RUNX2: variants seen among roughly 807,000 people sequenced by gnomAD.
RUNX2 encodes runt-related transcription factor 2.
Under a neutral mutation model 51.7 loss-of-function variants are expected in RUNX2, and 10 were observed. The observed-to-expected ratio is 0.19, with a 90% CI of 0.12 to 0.33. RUNX2 has a LOEUF of 0.33. Ranked by LOEUF, RUNX2 falls within the 10% of genes least tolerant of loss-of-function variation. The pLI is 1.00. For synonymous variants in RUNX2, 276 were observed against 273.6 expected (o/e 1.01, Z -0.09); for missense variants, 562 against 691.3 (o/e 0.81, Z 2.10).
intron 7 of RUNX2, among the ~76,000 whole-genome samples, chr6:45,539,906 G>C (rs1415959037): frequency 6.6e-6 from 1 of 152,232 alleles, no homozygotes; most frequent in Non-Finnish European, 1.5e-5. Flanking sequence ...GTGTGCAGCA[G>C]TAAGATTTAT....
intron 5 of RUNX2, among the ~76,000 whole-genome samples, chr6:45,472,458 G>A (rs1250826498): frequency 2.0e-5 from 3 of 152,128 alleles, no homozygotes; most frequent in Admixed American, 1.3e-4. Context: ...CTAGGCTTTC[G>A]ATATGTTCTG....
chr6:45,328,466 T>C lies in RUNX2; in HGVS notation c.-67+6T>C. ...CACCGAGACCAACAGAGTCAGTGAG[T>C]GCTCTCTAACCACAGTCTATGCAGT... On this transcript the variant is annotated splice_donor_region_variant and intron_variant, in intron 1 of 8. Coordinates refer to ENST00000647337, the MANE Select transcript of RUNX2 (RefSeq NM_001024630.4). The C allele has an allele frequency of 2.0e-6, 3 of 1,477,490 alleles. No individual in the cohort carries two copies. The highest frequency in any genetic ancestry group is 1.8e-5 in the Admixed American group (1 of 55,702). 91.5% of individuals were successfully genotyped at this position (1,477,490 alleles called of 1,614,324 possible).
chr6:45,356,321 C>T (rs1793167493), intron 2 of RUNX2, among the ~76,000 whole-genome samples: 1 of 151,912 alleles, frequency 6.6e-6, no homozygotes, highest in Non-Finnish European at 1.5e-5. Flanking sequence ...ATATTAAAAA[C>T]ACACACACAT....
chr6:45,549,618 G>A lies in RUNX2; in HGVS notation c.*2313G>A, dbSNP rs1278450147. On this transcript the variant is annotated 3_prime_UTR_variant, in exon 9 of 9. Coordinates refer to ENST00000647337, the MANE Select transcript of RUNX2 (RefSeq NM_001024630.4). The stretch of plus-strand genomic sequence containing the variant: ...GTGTAAAATATGTGTGTTTGTTTCA[G>A]CAGCACTTAAAAAAGCCAGTGTCTG... The A allele has an allele frequency of 2.7e-6, 1 of 371,998 alleles. No individual in the cohort carries two copies. The highest frequency in any genetic ancestry group is 4.8e-6 in the Non-Finnish European group (1 of 209,796). 23.0% of individuals were successfully genotyped at this position (371,998 alleles called of 1,614,324 possible). A position where few individuals can be genotyped will look rare whatever the true frequency, so the allele number is the denominator to read the frequency against.
In RUNX2 at chr6:45,490,071, G is replaced by A. The variant is rs1357106101; in HGVS notation, c.686-1870G>A. On this transcript the variant is annotated intron_variant, in intron 5 of 8. Transcript: ENST00000647337. ...TGGAAAGCTCAGTCAACTTGGACGA[G>A]GGCTATATCCTCGTGAAGGCTCAGC... Among the ~76,000 whole-genome samples the A allele has an allele frequency of 2.0e-5, 3 of 152,172 alleles. No individual in the cohort carries two copies. In the East Asian group the frequency reaches 5.8e-4, roughly 29 times the overall value.
At chr6:45,480,197 A>T (rs4714854) in intron 5 of RUNX2, among the ~76,000 whole-genome samples, 40,245 of 152,176 alleles carry the variant, frequency 0.26, 6,036 homozygotes, top group Non-Finnish European at 0.34. Context: ...AGGTGGATAA[A>T]CGCTATTCCA....
At chr6:45,435,462 A>T (rs1431722893) in intron 4 of RUNX2, among the ~76,000 whole-genome samples, 1 of 152,086 alleles carries the variant, frequency 6.6e-6, no homozygotes, top group African/African-American at 2.4e-5. Context: ...AGTTCAAGTG[A>T]TTCTTGTGCC....
intron 2 of RUNX2, among the ~76,000 whole-genome samples, chr6:45,359,610 C>T (rs1300583659): frequency 6.6e-6 from 1 of 152,060 alleles, no homozygotes. Flanking sequence ...TATGAAATAA[C>T]ACAAATACAA....
Position 45,458,306 on chromosome 6 carries a change from C to T in RUNX2, c.685+20255C>T, listed in dbSNP as rs549301876. The stretch of plus-strand genomic sequence containing the variant: ...CCTCCCAAAGTGCTGGGATTACAGG[C>T]ATGAGCCACCGTGCCCGGCTTGGGG... On this transcript the variant is annotated intron_variant, in intron 5 of 8. Coordinates refer to ENST00000647337, the MANE Select transcript of RUNX2 (RefSeq NM_001024630.4). Among the ~76,000 whole-genome samples, 20 of 152,300 alleles carry T rather than the reference C, an allele frequency of 1.3e-4. No individual in the cohort carries two copies. The East Asian group carries it at 3.7e-3, about 28-fold the overall frequency.
At position 45,513,994 on chromosome 6, in the gene RUNX2, C is replaced by T. The variant is rs539315952; in HGVS notation, c.1021+1587C>T. ...GAGGCTGTTTTGTTTTACATAGGGC[C>T]GAAAGGACACTTTGACAGAATAGAC... On this transcript the variant is annotated intron_variant, in intron 7 of 8. Transcript: ENST00000647337. Among the ~76,000 whole-genome samples the T allele has an allele frequency of 9.2e-5, 14 of 152,198 alleles. No individual in the cohort carries two copies. The South Asian group carries it at 2.1e-3, about 23-fold the overall frequency.
chr6:45,350,835 G>A (rs1004583065), intron 2 of RUNX2, among the ~76,000 whole-genome samples: 2 of 152,054 alleles, frequency 1.3e-5, no homozygotes, highest in Admixed American at 6.5e-5. Flanking sequence ...ATTTTCAGAC[G>A]GATTTATAAT....
chr6:45,513,148 G>C (rs181808324), intron 7 of RUNX2, among the ~76,000 whole-genome samples: 6 of 152,142 alleles, frequency 3.9e-5, no homozygotes, highest in Admixed American at 3.9e-4. Flanking sequence ...GCCAGAAAGT[G>C]TTCACAAAAA....
chr6:45,340,229 T>A lies in RUNX2; in HGVS notation c.58+11445T>A, dbSNP rs919289941. Among the ~76,000 whole-genome samples, 5 of 152,070 alleles carry A rather than the reference T, an allele frequency of 3.3e-5. No homozygotes were observed. The East Asian group carries it at 9.6e-4, about 29-fold the overall frequency. The stretch of plus-strand genomic sequence containing the variant: ...TAATCCTGGAGTCTTCAAATTACCC[T>A]GCCACATATCTTTAAGAAATACTAA... On this transcript the variant is annotated intron_variant, in intron 2 of 8. Coordinates refer to ENST00000647337, the MANE Select transcript of RUNX2 (RefSeq NM_001024630.4).
intron 2 of RUNX2, among the ~76,000 whole-genome samples, chr6:45,347,836 A>G (rs80130487): frequency 0.038 from 5,724 of 152,176 alleles, 168 homozygotes; most frequent in Non-Finnish European, 0.061. Context: ...CTGTATTCAC[A>G]TTGTAATTAC....
chr6:45,429,040 T>C (rs1798464396), intron 3 of RUNX2, among the ~76,000 whole-genome samples: 1 of 152,210 alleles, frequency 6.6e-6, no homozygotes, highest in South Asian at 2.1e-4. Context: ...TGTGTTACCC[T>C]CCTCATCTTA....
At chr6:45,344,858 T>C (rs954724449) in intron 2 of RUNX2, among the ~76,000 whole-genome samples, 2 of 152,144 alleles carry the variant, frequency 1.3e-5, no homozygotes, top group Non-Finnish European at 2.9e-5. Context: ...AGGGAGACGG[T>C]AAAACTAATG....
intron 7 of RUNX2, among the ~76,000 whole-genome samples, chr6:45,531,000 T>C (rs6915569): frequency 0.46 from 70,722 of 152,116 alleles, 17,744 homozygotes; most frequent in African/African-American, 0.65. Flanking sequence ...ATTTAATCAT[T>C]ACAACGCATT....
At chr6:45,499,801 G>A (rs1563113090) in intron 6 of RUNX2, among the ~76,000 whole-genome samples, 1 of 152,170 alleles carries the variant, frequency 6.6e-6, no homozygotes, top group Non-Finnish European at 1.5e-5. Flanking sequence ...CCCCAAAACA[G>A]TTCCATTTCT....
In RUNX2 at chr6:45,465,600, T is replaced by C. The variant is rs114126300; in HGVS notation, c.686-26341T>C. On this transcript the variant is annotated intron_variant, in intron 5 of 8. Coordinates refer to ENST00000647337, the MANE Select transcript of RUNX2 (RefSeq NM_001024630.4). ...CTGGTCTGTATCTGTAGGAACTTGATGAAAACTACTTAATTTTTCTGTTTT... is the reference window on the plus strand; with the variant it reads ...CTGGTCTGTATCTGTAGGAACTTGACGAAAACTACTTAATTTTTCTGTTTT... Among the ~76,000 whole-genome samples, 965 of 152,058 alleles carry C rather than the reference T, an allele frequency of 6.3e-3. 9 individuals carry two copies. The highest frequency in any genetic ancestry group is 0.022 in the African/African-American group (903 of 41,546).
Sources: allele counts gnomAD v4.1 joint callset (sites outside exome capture counted in the v4.1 genomes callset), GRCh38; gene constraint gnomAD v4.1.1; transcripts MANE v1.5; gene names NCBI Gene and HGNC (gene_info 2026-07-23, HGNC 2026-07-21).